Variants in ELOVL3 observed in about 807,000 individuals in gnomAD.
ELOVL3 encodes very long chain fatty acid elongase 3.
A neutral mutation model predicts 14.9 loss-of-function variants in ELOVL3; 11 were observed. The observed-to-expected ratio is 0.74, with a 90% CI of 0.46 to 1.22. The LOEUF (loss-of-function observed/expected upper bound fraction) is 1.22, where lower values mean the gene tolerates loss of function less well. Among genes scored for constraint, ELOVL3 ranks in the 50% most tolerant of loss-of-function variants. The pLI is 0.00. For synonymous variants in ELOVL3, 117 were observed against 124.7 expected (o/e 0.94, Z 0.41); for missense variants, 277 against 338.9 (o/e 0.82, Z 1.43).
At chr10:102,228,790 G>A (rs1413353912) in intron 3 of ELOVL3, 35 bp from the exon 4 acceptor site, 1 of 1,579,308 alleles carries the variant, frequency 6.3e-7, no homozygotes, top group South Asian at 1.2e-5. Context: ...TCCCAGCACT[G>A]GGTGGTATGC....
Position 102,228,583 on chromosome 10 carries a change from T to G in ELOVL3, c.385+15T>G, listed in dbSNP as rs1259774899. 2 of 1,613,250 alleles carry G rather than the reference T, an allele frequency of 1.2e-6. No individual in the cohort carries two copies. The highest frequency in any genetic ancestry group is 1.7e-6 in the Non-Finnish European group (2 of 1,179,568). Reference sequence around the variant, plus strand: ...CATAGAACTCGGTGAGTGGCAAAGCTTTGTCTTTCTGGTGCCTTGTGAACT... The same window carrying G: ...CATAGAACTCGGTGAGTGGCAAAGCGTTGTCTTTCTGGTGCCTTGTGAACT... On this transcript the variant is annotated intron_variant, in intron 3 of 3. Coordinates refer to ENST00000370005, the MANE Select transcript of ELOVL3 (RefSeq NM_152310.3).
At position 102,226,312 on chromosome 10, in the gene ELOVL3, C is replaced by T. The variant is rs2070134376; in HGVS notation, c.-237C>T. The stretch of plus-strand genomic sequence containing the variant: ...TAGCGGCGGGGCGCAGGAAAGAGGT[C>T]GCGCCAGCCCGGGCAGGCAGCTTTG... On this transcript the variant is annotated 5_prime_UTR_variant, in exon 1 of 4. Coordinates refer to ENST00000370005, the MANE Select transcript of ELOVL3 (RefSeq NM_152310.3). 8.2e-6 allele frequency: 4 copies of T among 488,940 alleles called. No individual in the cohort carries two copies. Among genetic ancestry groups the T allele is most frequent in the Admixed American group, 7.5e-5 (2 of 26,650 alleles). 30.3% of individuals were successfully genotyped at this position (488,940 alleles called of 1,614,324 possible). A position where few individuals can be genotyped will look rare whatever the true frequency, so the allele number is the denominator to read the frequency against.
At chr10:102,225,937 T>C (rs1564988941), upstream of ELOVL3, among the ~76,000 whole-genome samples, 1 of 152,070 alleles carries the variant, frequency 6.6e-6, no homozygotes, top group Non-Finnish European at 1.5e-5. Context: ...ATCACAGGCC[T>C]GGGTTTCCCA....
chr10:102,225,579 A>T (rs1479093294), upstream of ELOVL3, among the ~76,000 whole-genome samples: 1 of 152,140 alleles, frequency 6.6e-6, no homozygotes, highest in African/African-American at 2.4e-5. Context: ...AAAGAAGTAG[A>T]TTTGGTTAGG....
In ELOVL3 at chr10:102,229,104, T is replaced by C; in HGVS notation, c.665T>C (p.Ile222Thr). ...GCCATCGTCAGCATCCTCACGTACA[T>C]CTGGAGGCAGGATCAGGGATGCCAC... ...VGAIVSILTY[I>T]WRQDQGCHTT... is the part of the protein sequence containing the mutation. The change falls in exon 4 of 4, where the codon ATC becomes ACC. Residue 222 changes from isoleucine (I) to threonine (T), a missense_variant. By Grantham distance (89) the Ile-to-Thr change is moderately conservative (BLOSUM62 -1). Coordinates refer to ENST00000370005, the MANE Select transcript of ELOVL3 (RefSeq NM_152310.3). 4 of 1,614,122 alleles carry C rather than the reference T, an allele frequency of 2.5e-6. No individual in the cohort carries two copies. Among genetic ancestry groups the C allele is most frequent in the Non-Finnish European group, 3.4e-6 (4 of 1,180,010 alleles).
Position 102,228,461 on chromosome 10 carries a change from T to C in ELOVL3, c.278T>C (p.Leu93Pro). ...VRMWGIMGTV[L>P]LTGGLKQTVC... Reference sequence around the variant, plus strand: ...ATGTGGGGCATTATGGGGACTGTGCTACTTACCGGGGGCCTAAAGCAAACC... The same window carrying C: ...ATGTGGGGCATTATGGGGACTGTGCCACTTACCGGGGGCCTAAAGCAAACC... The change falls in exon 3 of 4, where the codon CTA becomes CCA. Residue 93 changes from leucine (L) to proline (P), a missense_variant. Coordinates refer to ENST00000370005, the MANE Select transcript of ELOVL3 (RefSeq NM_152310.3). 1 of 1,614,144 alleles carries C rather than the reference T, an allele frequency of 6.2e-7. No individual in the cohort carries two copies. The highest frequency in any genetic ancestry group is 1.1e-5 in the South Asian group (1 of 91,086).
In ELOVL3 at chr10:102,226,333, C is replaced by G; in HGVS notation, c.-216C>G. On this transcript the variant is annotated 5_prime_UTR_variant, in exon 1 of 4. Coordinates refer to ENST00000370005, the MANE Select transcript of ELOVL3 (RefSeq NM_152310.3). ...AGGTCGCGCCAGCCCGGGCAGGCAG[C>G]TTTGCAAGTCCGCGTTATATATCGC... 1.9e-6 allele frequency: 1 copy of G among 528,380 alleles called. No individual in the cohort carries two copies. The highest frequency in any genetic ancestry group is 3.4e-6 in the Non-Finnish European group (1 of 297,142). The allele number at this position is 528,380 out of a possible 1,614,324, so 32.7% of individuals were successfully genotyped here.
rs962844286 is a variant in ELOVL3, at chr10:102,226,449, C to T, written c.-100C>T. The T allele has an allele frequency of 1.3e-5, 10 of 798,594 alleles. No homozygotes were observed. Among genetic ancestry groups the T allele is most frequent in the African/African-American group, 3.5e-5 (2 of 57,694 alleles). 49.5% of individuals were successfully genotyped at this position (798,594 alleles called of 1,614,324 possible). On this transcript the variant is annotated 5_prime_UTR_variant, in exon 1 of 4. Transcript: ENST00000370005. The stretch of plus-strand genomic sequence containing the variant: ...CTTTGCCCAGGAGTTCCTTCTGTCC[C>T]GGCTCTGTTCCGTCTCGCCCCGAGG...
In ELOVL3 at chr10:102,229,504, G is replaced by C. The variant is rs1370656842; in HGVS notation, c.*252G>C. The C allele has an allele frequency of 6.6e-6, 3 of 457,840 alleles. No individual in the cohort carries two copies. Among genetic ancestry groups the C allele is most frequent in the Non-Finnish European group, 1.2e-5 (3 of 255,862 alleles). 28.4% of individuals were successfully genotyped at this position (457,840 alleles called of 1,614,324 possible). On this transcript the variant is annotated 3_prime_UTR_variant, in exon 4 of 4. Transcript: ENST00000370005. ...CCTGGGATGGGAGTGGGGCGGAGGA[G>C]GGTCCTAAGAGCTGATTATTTAATT... is the stretch of plus-strand genomic sequence containing the variant.
Position 102,228,856 on chromosome 10 carries a change from G to C in ELOVL3, c.417G>C (p.Arg139=). The C allele has an allele frequency of 6.2e-7, 1 of 1,613,470 alleles. No individual in the cohort carries two copies. The highest frequency in any genetic ancestry group is 8.5e-7 in the Non-Finnish European group (1 of 1,179,474). Reference sequence around the variant, plus strand: ...CAGCCTTCATCATCCTGCGTAAGCGGCCACTCATCTTTATTCACTGGTACC... The same window carrying C: ...CAGCCTTCATCATCCTGCGTAAGCGCCCACTCATCTTTATTCACTGGTACC... ...GDTAFIILRK[R]PLIFIHWYHH... is the part of the protein sequence containing the mutation. Residue 139 remains arginine, a synonymous_variant, in exon 4 of 4, where the codon CGG becomes CGC. Transcript: ENST00000370005.
chr10:102,227,829 G>A (rs950659122), intron 2 of ELOVL3, 72 bp downstream of exon 2: 14 of 1,560,534 alleles, frequency 9.0e-6, no homozygotes, highest in Middle Eastern at 1.7e-4. Context: ...AAGCTTTCCC[G>A]ATTGCATCAA....
chr10:102,226,748 G>A (rs1166800374), intron 1 of ELOVL3, 99 bp downstream of exon 1: 1 of 810,988 alleles, frequency 1.2e-6, no homozygotes, highest in Non-Finnish European at 2.1e-6. Context: ...ACAGAGCAGA[G>A]TTATGGGACT....
rs1344303340 is a variant in ELOVL3 at position 102,229,561 on chromosome 10, G to T, written c.*309G>T. ...CAGAAATCTTTCTTCTTCTTGCTCTGTTTTTTTAAATTAAAGATTTCAACA... is the reference window on the plus strand; with the variant it reads ...CAGAAATCTTTCTTCTTCTTGCTCTTTTTTTTTAAATTAAAGATTTCAACA... On this transcript the variant is annotated 3_prime_UTR_variant, in exon 4 of 4. Transcript: ENST00000370005. The T allele has an allele frequency of 3.0e-5, 7 of 233,230 alleles. No homozygotes were observed. The highest frequency in any genetic ancestry group is 9.1e-5 in the South Asian group (1 of 11,016). The allele number at this position is 233,230 out of a possible 1,614,324, so 14.4% of individuals were successfully genotyped here.
upstream of ELOVL3, chr10:102,226,268 T>C: frequency 2.5e-6 from 1 of 406,302 alleles, no homozygotes; most frequent in East Asian, 5.4e-5. Flanking sequence ...AGCAGAGGCG[T>C]ATCTTGGTCG....
chr10:102,228,316 T>G (rs1590403120), intron 2 of ELOVL3, 101 bp from the exon 3 acceptor site: 10 of 1,280,478 alleles, frequency 7.8e-6, no homozygotes, highest in East Asian at 2.4e-5. Flanking sequence ...GGTGGGGAGG[T>G]GGTAGAGCTT....
At position 102,229,216 on chromosome 10, in the gene ELOVL3, C is replaced by G; in HGVS notation, c.777C>G (p.Ile259Met). 1 of 1,613,584 alleles carries G rather than the reference C, an allele frequency of 6.2e-7. No homozygotes were observed. Among genetic ancestry groups the G allele is most frequent in the Non-Finnish European group, 8.5e-7 (1 of 1,179,686 alleles). The change falls in exon 4 of 4, where the codon ATC becomes ATG. Residue 259 changes from isoleucine (I) to methionine (M), a missense_variant. Ile to Met is a conservative substitution (Grantham distance 10). Transcript: ENST00000370005. ...LFAHFFCQTY[I>M]RPKVKAKTKS... is the part of the protein sequence containing the mutation. ...CCCACTTCTTCTGCCAGACCTACAT[C>G]AGGCCCAAGGTCAAAGCCAAGACCA...
chr10:102,228,636 C>A, intron 3 of ELOVL3, 68 bp downstream of exon 3: 2 of 1,573,382 alleles, frequency 1.3e-6, no homozygotes, highest in Non-Finnish European at 1.7e-6. Flanking sequence ...CCTCCCTTCA[C>A]CCATCCCATG....
At chr10:102,225,565 C>T (rs2070129735), upstream of ELOVL3, among the ~76,000 whole-genome samples, 1 of 152,024 alleles carries the variant, frequency 6.6e-6, no homozygotes, top group Non-Finnish European at 1.5e-5. Context: ...GTTACACAGG[C>T]GAGAAAGAAG....
chr10:102,228,688 ACC>A, intron 3 of ELOVL3, 120 bp downstream of exon 3: 1 of 1,424,602 alleles, frequency 7.0e-7, no homozygotes, highest in Non-Finnish European at 9.7e-7. Context: ...AATACCTCTC[ACC>A]CAAGCCCCTC....
Sources: gnomAD v4.1 joint callset for allele counts (sites outside exome capture counted in the v4.1 genomes callset) on GRCh38, gnomAD v4.1.1 for gene constraint, MANE v1.5 for transcripts, NCBI Gene and HGNC (gene_info 2026-07-23, HGNC 2026-07-21) for gene names.